Variants in CUX1 observed in about 807,000 individuals in gnomAD.
CUX1 encodes the protein protein CASP.
In CUX1, 31 loss-of-function variants were observed where a neutral mutation model predicts 158.8. That is an observed-to-expected ratio of 0.20 (90% CI 0.15 to 0.26). CUX1 has a LOEUF of 0.26. Ranked by LOEUF, CUX1 falls within the 10% of genes least tolerant of loss-of-function variation. CUX1 has a pLI of 1.00. For missense variants in CUX1, 1,589 were observed against 2,014.6 expected (o/e 0.79, Z 4.04); for synonymous variants, 879 against 862.1 (o/e 1.02, Z -0.34).
intron 20 of CUX1, among the ~76,000 whole-genome samples, chr7:102,219,712 C>T (rs1386586273): frequency 6.6e-6 from 1 of 152,176 alleles, no homozygotes; most frequent in African/African-American, 2.4e-5. Flanking sequence ...TCCAGTGGCC[C>T]AGGAAGGAGG....
rs1251145413 is a variant in CUX1, at chr7:102,257,006, A to G, written c.*7964A>G. ...GCCCCTTTCCCCTATAGGTGGTTCAACGTGGAGGAAGGTTGGGTGTGGAGA... is the reference window on the plus strand; with the variant it reads ...GCCCCTTTCCCCTATAGGTGGTTCAGCGTGGAGGAAGGTTGGGTGTGGAGA... On this transcript the variant is annotated 3_prime_UTR_variant, in exon 24 of 24. Transcript: ENST00000292535. 7 of 985,426 alleles carry G rather than the reference A, an allele frequency of 7.1e-6. No homozygotes were observed. Among genetic ancestry groups the G allele is most frequent in the Non-Finnish European group, 8.4e-6 (7 of 829,942 alleles). The allele number at this position is 985,426 out of a possible 1,614,324, so 61.0% of individuals were successfully genotyped here. A position where few individuals can be genotyped will look rare whatever the true frequency, so the allele number is the denominator to read the frequency against.
At chr7:102,077,162 G>C (rs879994516) in intron 4 of CUX1, among the ~76,000 whole-genome samples, 2 of 152,044 alleles carry the variant, frequency 1.3e-5, no homozygotes, top group Admixed American at 1.3e-4. Context: ...AAGCAGGACA[G>C]AGGCAGCTGC....
chr7:102,129,811 C>T (rs1438363016), intron 8 of CUX1, among the ~76,000 whole-genome samples: 1 of 152,186 alleles, frequency 6.6e-6, no homozygotes, highest in Non-Finnish European at 1.5e-5. Flanking sequence ...GACTGTGACA[C>T]CAAGGTGGCG....
At chr7:101,903,549 A>G (rs1352901240) in intron 1 of CUX1, among the ~76,000 whole-genome samples, 1 of 152,240 alleles carries the variant, frequency 6.6e-6, no homozygotes, top group Non-Finnish European at 1.5e-5. Context: ...TAGCTCAAAA[A>G]TGGTCAAATA....
intron 14 of CUX1, among the ~76,000 whole-genome samples, chr7:102,271,895 G>A (rs1366650782): frequency 6.6e-6 from 1 of 152,208 alleles, no homozygotes; most frequent in Non-Finnish European, 1.5e-5. Flanking sequence ...GGTGGCAGGC[G>A]CCTGTAATCC....
At chr7:102,123,319 A>T (rs1832258259) in intron 8 of CUX1, among the ~76,000 whole-genome samples, 1 of 151,662 alleles carries the variant, frequency 6.6e-6, no homozygotes, top group South Asian at 2.1e-4. Flanking sequence ...TTTTTAAAAA[A>T]TTTTTATCGG....
At chr7:102,047,728 G>A (rs918798128) in intron 3 of CUX1, among the ~76,000 whole-genome samples, 18 of 152,080 alleles carry the variant, frequency 1.2e-4, no homozygotes, top group Non-Finnish European at 2.1e-4. Context: ...TGACTATCGT[G>A]GAATTTAAAT....
chr7:102,159,938 G>C (rs1554506551), intron 9 of CUX1, among the ~76,000 whole-genome samples: 1 of 151,616 alleles, frequency 6.6e-6, no homozygotes. Flanking sequence ...CCCAGCACCT[G>C]GGGAGGCCGA....
intron 2 of CUX1, among the ~76,000 whole-genome samples, chr7:101,992,168 G>T (rs1815223311): frequency 6.6e-6 from 1 of 152,078 alleles, no homozygotes; most frequent in Non-Finnish European, 1.5e-5. Context: ...CTTGGAGGGG[G>T]GTGCACTTCT....
chr7:101,928,709 C>T (rs1053327085), intron 2 of CUX1, among the ~76,000 whole-genome samples: 9 of 142,058 alleles, frequency 6.3e-5, no homozygotes, highest in Non-Finnish European at 1.2e-4. Flanking sequence ...CTCGCTCTGT[C>T]ACCCAGGCTG....
chr7:102,137,833 A>G (rs1161206994), intron 8 of CUX1, among the ~76,000 whole-genome samples: 2 of 152,026 alleles, frequency 1.3e-5, no homozygotes, highest in Admixed American at 1.3e-4. Context: ...TAACATTATT[A>G]TGCTACATAT....
chr7:102,276,249 G>A (rs1347057809), intron 17 of CUX1, among the ~76,000 whole-genome samples: 26 of 152,078 alleles, frequency 1.7e-4, no homozygotes, highest in Admixed American at 1.2e-3. Context: ...TATGTTTAAC[G>A]TTTTTAGAGG....
At chr7:102,163,965 G>A (rs1290621893) in intron 9 of CUX1, among the ~76,000 whole-genome samples, 1 of 152,194 alleles carries the variant, frequency 6.6e-6, no homozygotes, top group East Asian at 1.9e-4. Flanking sequence ...GCACCTGTCA[G>A]TTATGTCCGA....
rs782533745 is a variant in CUX1, at chr7:102,193,797, G to A, written c.1077-45G>A. ...AGCCTGGGTGACAGAACGAGACTCTGTCTCAAAAAATAAATAAAATAACCC... is the reference window on the plus strand; with the variant it reads ...AGCCTGGGTGACAGAACGAGACTCTATCTCAAAAAATAAATAAAATAACCC... On this transcript the variant is annotated intron_variant, in intron 12 of 23. Transcript: ENST00000292535. The A allele has an allele frequency of 4.4e-6, 7 of 1,594,636 alleles. No individual in the cohort carries two copies. In the East Asian group the frequency reaches 6.8e-5, roughly 15 times the overall value.
intron 10 of CUX1, among the ~76,000 whole-genome samples, chr7:102,173,900 T>C (rs1205154001): frequency 2.6e-5 from 4 of 151,632 alleles, no homozygotes; most frequent in East Asian, 1.9e-4. Context: ...CTGCAGCCAG[T>C]TGGGGAGCAA....
intron 8 of CUX1, among the ~76,000 whole-genome samples, chr7:102,136,200 A>T (rs62484862): frequency 0.1 from 15,858 of 152,120 alleles, 1,085 homozygotes; most frequent in Admixed American, 0.18. Context: ...ATTTCTGTCT[A>T]TAATTTCATT....
At chr7:102,140,309 C>T (rs781848809) in intron 8 of CUX1, among the ~76,000 whole-genome samples, 2 of 152,064 alleles carry the variant, frequency 1.3e-5, no homozygotes, top group East Asian at 2.0e-4. Context: ...TGCAATGGCA[C>T]GATCTCGGCT....
chr7:101,964,717 AG>A (rs1810941853), intron 2 of CUX1, among the ~76,000 whole-genome samples: 1 of 152,204 alleles, frequency 6.6e-6, no homozygotes, highest in East Asian at 1.9e-4. Context: ...GACTGTCCCC[AG>A]CAACCAGAAT....
rs190989465 is a variant in CUX1, at chr7:101,987,660, G to T, written c.142-40438G>T. 2.8e-4 allele frequency among the ~76,000 whole-genome samples: 42 copies of T among 152,318 alleles called. No homozygotes were observed. The East Asian group carries it at 7.3e-3, about 27-fold the overall frequency. On this transcript the variant is annotated intron_variant, in intron 2 of 23. Transcript: ENST00000292535. ...CATTAGAAGCAAGGGCGGGGACATT[G>T]CCTTTCCCGGCCGCTGCGGTGTCCT...
Sources: allele counts gnomAD v4.1 joint callset (sites outside exome capture counted in the v4.1 genomes callset), GRCh38; gene constraint gnomAD v4.1.1; transcripts MANE v1.5; gene names NCBI Gene and HGNC (gene_info 2026-07-23, HGNC 2026-07-21).